The following ATAD2B variants were observed in gnomAD, a reference collection of about 807,000 sequenced individuals.
The protein encoded by ATAD2B is ATPase family AAA domain-containing protein 2B.
ATAD2B carries 40 observed loss-of-function variants against 167.6 expected under a neutral mutation model. The observed-to-expected ratio is 0.24, with a 90% CI of 0.19 to 0.31. ATAD2B has a LOEUF of 0.31. Among genes scored for constraint, ATAD2B ranks in the 10% least tolerant of loss-of-function variants. The probability of loss-of-function intolerance (pLI) is 1.00; values close to 1 mark genes in which losing one functional copy is unlikely to be tolerated. For missense variants in ATAD2B, 1,242 were observed against 1,757.2 expected, an observed-to-expected ratio of 0.71 and a Z score of 5.24; for synonymous variants, 579 against 596.5, an observed-to-expected ratio of 0.97 and a Z score of 0.43.
At chr2:23,758,684 T>G (rs1161856616) in intron 24 of ATAD2B, among the ~76,000 whole-genome samples, 1 of 152,202 alleles carries the variant, frequency 6.6e-6, no homozygotes, top group African/African-American at 2.4e-5. Flanking sequence ...TTTGGACAAT[T>G]TGGTGAGCCA....
chr2:23,920,947 G>A (rs1384360099), intron 1 of ATAD2B, among the ~76,000 whole-genome samples: 3 of 152,118 alleles, frequency 2.0e-5, no homozygotes, highest in Non-Finnish European at 4.4e-5. Flanking sequence ...GCTCATGCCT[G>A]TAACCTCAGC....
chr2:23,826,616 A>G (rs527867084), intron 15 of ATAD2B, among the ~76,000 whole-genome samples: 11 of 152,206 alleles, frequency 7.2e-5, no homozygotes, highest in Non-Finnish European at 1.5e-4. Flanking sequence ...TAGACTAGAA[A>G]CAAGGTCATA....
At chr2:23,760,416 T>C (rs900320117) in intron 24 of ATAD2B, among the ~76,000 whole-genome samples, 6 of 152,082 alleles carry the variant, frequency 3.9e-5, no homozygotes, top group Non-Finnish European at 8.8e-5. Flanking sequence ...CTTCCAGCAC[T>C]TTGGGAGGCC....
chr2:23,783,076 C>T, intron 21 of ATAD2B, 48 bp from the exon 22 acceptor site: 3 of 1,012,476 alleles, frequency 3.0e-6, no homozygotes, highest in Non-Finnish European at 4.1e-6. Flanking sequence ...TTCACATCAT[C>T]TCAGTTCATA....
At chr2:23,895,694 T>C (rs190544828) in intron 2 of ATAD2B, 125 bp downstream of exon 2, 2 of 604,278 alleles carry the variant, frequency 3.3e-6, no homozygotes, top group Admixed American at 3.9e-5. Context: ...ATAAGTTTAA[T>C]ACAATTTACT....
At chr2:23,904,033 G>A (rs1701171554) in intron 1 of ATAD2B, among the ~76,000 whole-genome samples, 1 of 151,988 alleles carries the variant, frequency 6.6e-6, no homozygotes, top group African/African-American at 2.4e-5. Flanking sequence ...ATTAAAATTG[G>A]AAAGTTAGTT....
chr2:23,913,354 G>A (rs1165476530), intron 1 of ATAD2B, among the ~76,000 whole-genome samples: 2 of 152,120 alleles, frequency 1.3e-5, no homozygotes, highest in African/African-American at 2.4e-5. Flanking sequence ...TTCTAGTGGG[G>A]GCCAGGCGCA....
At chr2:23,897,320 G>A (rs563616135) in intron 1 of ATAD2B, among the ~76,000 whole-genome samples, 2 of 152,288 alleles carry the variant, frequency 1.3e-5, no homozygotes, top group African/African-American at 4.8e-5. Context: ...TGTCTGCCAG[G>A]TTTCTTCACT....
At chr2:23,696,417 C>G in the ATAD2B span, 1 of 1,551,526 alleles carries the variant, frequency 6.4e-7, no homozygotes, top group Non-Finnish European at 8.7e-7. The surrounding 1 kb of genome is among the most constrained non-coding windows in gnomAD (Gnocchi z 5.5). Context: ...TCCAGAATGA[C>G]AGTCCCCCGC....
At chr2:23,747,779 G>A (rs1273520783), downstream of ATAD2B, among the ~76,000 whole-genome samples, 1 of 152,064 alleles carries the variant, frequency 6.6e-6, no homozygotes, top group African/African-American at 2.4e-5. Flanking sequence ...GGGTAAAAGA[G>A]GGAATGTATA....
the ATAD2B span, among the ~76,000 whole-genome samples, chr2:23,718,978 G>T: frequency 6.6e-6 from 1 of 152,146 alleles, no homozygotes; most frequent in Admixed American, 6.5e-5. Context: ...CCCATCTTAA[G>T]ATCCTTTATC....
At chr2:23,770,500 T>C (rs1678169352) in intron 22 of ATAD2B, among the ~76,000 whole-genome samples, 1 of 152,246 alleles carries the variant, frequency 6.6e-6, no homozygotes, top group Non-Finnish European at 1.5e-5. Flanking sequence ...TTTAAGTTCT[T>C]GTATACAGGT....
At chr2:23,915,118 A>T (rs1702853733) in intron 1 of ATAD2B, among the ~76,000 whole-genome samples, 1 of 152,206 alleles carries the variant, frequency 6.6e-6, no homozygotes, top group Non-Finnish European at 1.5e-5. Context: ...AGTACTATGT[A>T]GCAGGTGGGA....
At chr2:23,878,526 G>T (rs984634481) in intron 7 of ATAD2B, among the ~76,000 whole-genome samples, 3 of 151,786 alleles carry the variant, frequency 2.0e-5, no homozygotes, top group South Asian at 4.2e-4. Context: ...AGGCGTGGTG[G>T]CAGGCGCCTG....
At chr2:23,843,565 G>A (rs975963124) in intron 13 of ATAD2B, among the ~76,000 whole-genome samples, 1 of 152,202 alleles carries the variant, frequency 6.6e-6, no homozygotes, top group Non-Finnish European at 1.5e-5. Flanking sequence ...CGGAAGAGTC[G>A]GAGTTGAGAT....
At chr2:23,718,675 T>G in the ATAD2B span, among the ~76,000 whole-genome samples, 3 of 152,192 alleles carry the variant, frequency 2.0e-5, no homozygotes, top group Non-Finnish European at 4.4e-5. Context: ...GACAACAAAT[T>G]TATTATCTTA....
At chr2:23,914,258 A>G (rs1187319986) in intron 1 of ATAD2B, among the ~76,000 whole-genome samples, 1 of 152,142 alleles carries the variant, frequency 6.6e-6, no homozygotes, top group Non-Finnish European at 1.5e-5. Flanking sequence ...AAAAACCTAA[A>G]TAGTAAAACT....
At chr2:23,752,149 C>A in intron 27 of ATAD2B, 62 bp from the exon 28 acceptor site, 2 of 1,199,788 alleles carry the variant, frequency 1.7e-6, no homozygotes, top group Admixed American at 2.3e-5. Flanking sequence ...TTCCTCATTA[C>A]GGAAGAATTC....
intron 1 of ATAD2B, among the ~76,000 whole-genome samples, chr2:23,921,310 T>C (rs1455779208): frequency 1.3e-5 from 2 of 151,380 alleles, no homozygotes; most frequent in Non-Finnish European, 2.9e-5. Context: ...TCATTGTGTA[T>C]GTCCTGAAAG....
Sources: gnomAD v4.1 joint callset for allele counts (sites outside exome capture counted in the v4.1 genomes callset) on GRCh38, gnomAD v4.1.1 for gene constraint, Gnocchi (gnomAD v3.1) non-coding constraint, MANE v1.5 for transcripts, NCBI Gene and HGNC (gene_info 2026-07-23, HGNC 2026-07-21) for gene names.